Variants in ATP2B4 observed in about 807,000 individuals in gnomAD.
ATP2B4 encodes ATPase plasma membrane Ca2+ transporting 4, also known as plasma membrane calcium-transporting ATPase 4.
ATP2B4 carries 39 observed loss-of-function variants against 110.3 expected under a neutral mutation model. The observed-to-expected ratio is 0.35, with a 90% confidence interval of 0.27 to 0.46. ATP2B4 has a LOEUF of 0.46. ATP2B4 is among the 20% of genes least tolerant of loss of function. ATP2B4 has a pLI of 1.00. For missense variants in ATP2B4, 1,135 were observed against 1,530.9 expected (o/e 0.74, Z 4.32); for synonymous variants, 538 against 571.7 (o/e 0.94, Z 0.84).
At chr1:203,666,398 G>T (rs1469923505) in intron 1 of ATP2B4, among the ~76,000 whole-genome samples, 1 of 152,156 alleles carries the variant, frequency 6.6e-6, no homozygotes. Flanking sequence ...GGACAGCAAG[G>T]CAGGCCTCAA....
At chr1:203,688,560 C>A (rs2365859) in intron 2 of ATP2B4, among the ~76,000 whole-genome samples, 126,045 of 151,480 alleles carry the variant, frequency 0.83, 53,266 homozygotes, top group East Asian at 1. Context: ...CCTTGGCCCC[C>A]CAAAGTGCTA....
At chr1:203,694,357 A>G (rs1665471282) in intron 2 of ATP2B4, among the ~76,000 whole-genome samples, 1 of 152,226 alleles carries the variant, frequency 6.6e-6, no homozygotes, top group Admixed American at 6.5e-5. Context: ...ATGATTGAGC[A>G]GGATGAGGGG....
Position 203,673,786 on chromosome 1 carries a change from G to A in ATP2B4, c.-464-8956G>A, listed in dbSNP as rs80289805. 7.2e-3 allele frequency among the ~76,000 whole-genome samples: 1,096 copies of A among 152,284 alleles called. 9 individuals carry two copies. The highest frequency in any genetic ancestry group is 0.012 in the Non-Finnish European group (839 of 68,028). On this transcript the variant is annotated intron_variant, in intron 1 of 20. Coordinates refer to ENST00000357681, the MANE Select transcript of ATP2B4 (RefSeq NM_001684.5). ...GCTCCCTTTTGGTGGATGAGATGTG[G>A]CCTCCTCAGTCTGTGGCCAGGCAAC...
chr1:203,739,083 T>A (rs1207616149), intron 20 of ATP2B4, among the ~76,000 whole-genome samples: 1 of 152,202 alleles, frequency 6.6e-6, no homozygotes, highest in Non-Finnish European at 1.5e-5. Flanking sequence ...TAAACCTCAA[T>A]GCATAATTTT....
chr1:203,669,727 G>T (rs540498267), intron 1 of ATP2B4, among the ~76,000 whole-genome samples: 317 of 152,170 alleles, frequency 2.1e-3, no homozygotes, highest in Non-Finnish European at 3.9e-3. Context: ...GTGAGCCACC[G>T]TTCCTGGCCC....
At chr1:203,704,724 G>T (rs564861031) in intron 8 of ATP2B4, among the ~76,000 whole-genome samples, 2 of 151,784 alleles carry the variant, frequency 1.3e-5, no homozygotes, top group South Asian at 4.2e-4. Flanking sequence ...CAAGTGATCC[G>T]CCCACCTCGG....
chr1:203,732,644 A>G lies in ATP2B4; in HGVS notation c.3309+5073A>G, dbSNP rs141683681. ...AATACGTAGTCGGTTTAATTGATTT[A>G]GAGGTTCCTGAGCCTTCAAATTCAG... On this transcript the variant is annotated intron_variant, in intron 20 of 20. Coordinates refer to ENST00000357681, the MANE Select transcript of ATP2B4 (RefSeq NM_001684.5). Among the ~76,000 whole-genome samples, 569 of 152,290 alleles carry G rather than the reference A, an allele frequency of 3.7e-3. 5 individuals carry two copies. Among genetic ancestry groups the G allele is most frequent in the African/African-American group, 0.013 (523 of 41,556 alleles).
chr1:203,646,385 G>A (rs1663800449), intron 1 of ATP2B4, among the ~76,000 whole-genome samples: 1 of 152,178 alleles, frequency 6.6e-6, no homozygotes, highest in South Asian at 2.1e-4. Flanking sequence ...GGTTGAGGCA[G>A]AAGAATTGCT....
intron 19 of ATP2B4, among the ~76,000 whole-genome samples, chr1:203,724,867 G>GTTTTTT (rs1031319768): frequency 1.4e-4 from 11 of 78,416 alleles, no homozygotes; most frequent in African/African-American, 2.2e-4. Context: ...CCAGCTCTCT[G>GTTTTTT]TTTTTTTTTT....
intron 14 of ATP2B4, among the ~76,000 whole-genome samples, chr1:203,713,826 A>G (rs1183788233): frequency 6.6e-6 from 1 of 152,186 alleles, no homozygotes; most frequent in Non-Finnish European, 1.5e-5. Context: ...TGAACTAGGC[A>G]GGGCAGGTAT....
chr1:203,729,776 C>A, intron 20 of ATP2B4: 1 of 1,329,718 alleles, frequency 7.5e-7, no homozygotes. Flanking sequence ...CATTGGAGTC[C>A]GGGCACTGCC....
chr1:203,663,938 T>G (rs550424290), intron 1 of ATP2B4, among the ~76,000 whole-genome samples: 23 of 152,298 alleles, frequency 1.5e-4, no homozygotes, highest in Admixed American at 2.6e-4. Context: ...CCTTGTAGTA[T>G]GGAGTATGCC....
chr1:203,676,182 G>A (rs1321562727), intron 1 of ATP2B4, among the ~76,000 whole-genome samples: 2 of 152,206 alleles, frequency 1.3e-5, no homozygotes, highest in African/African-American at 4.8e-5. Flanking sequence ...AACACCTGCT[G>A]CCTCTGACCT....
chr1:203,729,812 A>G (rs1666646176), intron 20 of ATP2B4: 1 of 1,298,886 alleles, frequency 7.7e-7, no homozygotes, highest in Non-Finnish European at 1.0e-6. Context: ...GGTGCTTTAC[A>G]GTGGTCCTTG....
chr1:203,645,660 C>T (rs1274047968), intron 1 of ATP2B4, among the ~76,000 whole-genome samples: 4 of 150,494 alleles, frequency 2.7e-5, no homozygotes, highest in Admixed American at 6.6e-5. Context: ...GGCATAATCT[C>T]GGCTCACTGC....
chr1:203,687,988 G>GGT (rs1665248488), intron 2 of ATP2B4, among the ~76,000 whole-genome samples: 8 of 134,388 alleles, frequency 6.0e-5, no homozygotes, highest in Non-Finnish European at 1.1e-4. Context: ...GAGGGAGAGA[G>GGT]AAAGAGATTA....
chr1:203,683,160 A>G lies in ATP2B4; in HGVS notation c.-46A>G, dbSNP rs893326189. On this transcript the variant is annotated 5_prime_UTR_variant, in exon 2 of 21. Transcript: ENST00000357681. Reference sequence around the variant, plus strand: ...AGGAGACACTGGTCAGTTGAAGGGAAACGCTACATCTTCTCTGGTTGAGGG... The same window carrying G: ...AGGAGACACTGGTCAGTTGAAGGGAGACGCTACATCTTCTCTGGTTGAGGG... 6.3e-7 allele frequency: 1 copy of G among 1,587,846 alleles called. No individual in the cohort carries two copies.
intron 15 of ATP2B4, among the ~76,000 whole-genome samples, chr1:203,715,057 C>T (rs1666121896): frequency 6.6e-6 from 1 of 152,070 alleles, no homozygotes; most frequent in Non-Finnish European, 1.5e-5. Flanking sequence ...CATTTACATC[C>T]CCAGTCTTCA....
chr1:203,678,998 G>A (rs957378134), intron 1 of ATP2B4, among the ~76,000 whole-genome samples: 3 of 152,184 alleles, frequency 2.0e-5, no homozygotes, highest in African/African-American at 7.2e-5. Flanking sequence ...TAATGATCAT[G>A]TAAAGCATTA....
Sources: allele counts gnomAD v4.1 joint callset (sites outside exome capture counted in the v4.1 genomes callset), GRCh38; gene constraint gnomAD v4.1.1; transcripts MANE v1.5; gene names NCBI Gene and HGNC (gene_info 2026-07-23, HGNC 2026-07-21).